SPIDR: variants seen among roughly 807,000 people sequenced by gnomAD.
SPIDR encodes scaffold protein involved in DNA repair.
SPIDR carries 93 observed loss-of-function variants against 104.6 expected under a neutral mutation model. The ratio of observed to expected loss-of-function variants is 0.89; its 90% CI spans 0.75 to 1.06. The LOEUF is 1.06. SPIDR is among the 50% of genes least tolerant of loss of function. The pLI is 0.00. For missense variants in SPIDR, 1,154 were observed against 1,111.2 expected, an observed-to-expected ratio of 1.04 and a Z score of -0.55; for synonymous variants, 431 against 416.9, an observed-to-expected ratio of 1.03 and a Z score of -0.41.
At chr8:47,666,097 A>T (rs1471811813) in intron 10 of SPIDR, among the ~76,000 whole-genome samples, 1 of 152,216 alleles carries the variant, frequency 6.6e-6, no homozygotes, top group African/African-American at 2.4e-5. Context: ...AAGTATTCAT[A>T]GTTTTTGGTT....
chr8:47,364,361 C>T lies in SPIDR; in HGVS notation c.526-32015C>T, dbSNP rs2056777111. Among the ~76,000 whole-genome samples the T allele has an allele frequency of 2.6e-5, 4 of 152,196 alleles. No individual in the cohort carries two copies. The South Asian group carries it at 8.3e-4, about 31-fold the overall frequency. ...CTCCTGGTAGCTCCCAGCTGAAGTT[C>T]ACCTGGAGAGTTACTGCCATCGTGT... On this transcript the variant is annotated intron_variant, in intron 5 of 19. Coordinates refer to ENST00000297423, the MANE Select transcript of SPIDR (RefSeq NM_001080394.4).
chr8:47,535,834 G>T (rs1245262675), intron 8 of SPIDR, among the ~76,000 whole-genome samples: 1 of 151,960 alleles, frequency 6.6e-6, no homozygotes, highest in East Asian at 1.9e-4. Context: ...AGACAAGGAA[G>T]GATGCCCTTT....
chr8:47,347,436 G>A (rs1459970937), intron 5 of SPIDR, among the ~76,000 whole-genome samples: 1 of 152,202 alleles, frequency 6.6e-6, no homozygotes, highest in Non-Finnish European at 1.5e-5. Flanking sequence ...GATTTTGGGT[G>A]GAGAGTTCTG....
chr8:47,352,487 A>T (rs1554623099), intron 5 of SPIDR, among the ~76,000 whole-genome samples: 1 of 152,126 alleles, frequency 6.6e-6, no homozygotes. Context: ...TTAAGACTGA[A>T]AACTACAATG....
chr8:47,709,110 T>G (rs777454459), intron 14 of SPIDR, among the ~76,000 whole-genome samples: 38 of 152,038 alleles, frequency 2.5e-4, no homozygotes, highest in Non-Finnish European at 4.9e-4. Flanking sequence ...GTAGCTGGGA[T>G]TACAGGCATC....
At chr8:47,323,803 G>C (rs188266487) in intron 5 of SPIDR, among the ~76,000 whole-genome samples, 4 of 152,248 alleles carry the variant, frequency 2.6e-5, no homozygotes, top group East Asian at 3.9e-4. Context: ...TACTTCTTCA[G>C]ATCTCCTTTG....
At chr8:47,499,270 A>G (rs1039895362) in intron 8 of SPIDR, among the ~76,000 whole-genome samples, 14 of 152,314 alleles carry the variant, frequency 9.2e-5, no homozygotes, top group African/African-American at 2.9e-4. Flanking sequence ...AAGTTCATGC[A>G]AAGTCTATGA....
intron 8 of SPIDR, among the ~76,000 whole-genome samples, chr8:47,567,078 G>C (rs1168736135): frequency 1.3e-5 from 2 of 152,078 alleles, no homozygotes; most frequent in African/African-American, 4.8e-5. Context: ...AAATATGCAA[G>C]TACATAAGTA....
At chr8:47,713,196 G>C in intron 15 of SPIDR, 1 of 628,730 alleles carries the variant, frequency 1.6e-6, no homozygotes, top group South Asian at 2.8e-5. Flanking sequence ...CCTTTTTCCA[G>C]GGATCAAACT....
intron 8 of SPIDR, among the ~76,000 whole-genome samples, chr8:47,480,959 A>G (rs922534673): frequency 6.6e-6 from 1 of 152,256 alleles, no homozygotes. Context: ...CTTTGTTATG[A>G]AAGCAAAAAG....
At chr8:47,582,680 G>A (rs1362268789) in intron 8 of SPIDR, among the ~76,000 whole-genome samples, 1 of 151,962 alleles carries the variant, frequency 6.6e-6, no homozygotes, top group South Asian at 2.1e-4. Context: ...CATTTTTATT[G>A]ATCATACAAT....
chr8:47,288,645 T>C (rs940031723), intron 3 of SPIDR, among the ~76,000 whole-genome samples: 25 of 152,346 alleles, frequency 1.6e-4, no homozygotes, highest in Admixed American at 6.5e-4. Flanking sequence ...ATAATGTCTT[T>C]TGCAAGTACT....
intron 8 of SPIDR, among the ~76,000 whole-genome samples, chr8:47,588,826 A>G (rs900605004): frequency 6.6e-6 from 1 of 152,166 alleles, no homozygotes; most frequent in Non-Finnish European, 1.5e-5. Flanking sequence ...TTGCTAATGT[A>G]ATCATCTGAT....
At chr8:47,548,988 C>T (rs1258610336) in intron 8 of SPIDR, among the ~76,000 whole-genome samples, 1 of 152,150 alleles carries the variant, frequency 6.6e-6, no homozygotes, top group Non-Finnish European at 1.5e-5. Flanking sequence ...TCTCATGGTT[C>T]ACTTCCCACC....
intron 8 of SPIDR, among the ~76,000 whole-genome samples, chr8:47,540,203 A>G (rs1293085288): frequency 6.6e-6 from 1 of 152,224 alleles, no homozygotes; most frequent in Admixed American, 6.5e-5. Context: ...AAAACTTCCA[A>G]TGAAACAGAA....
Position 47,735,629 on chromosome 8 carries a change from A to T in SPIDR, c.*179A>T. The T allele has an allele frequency of 8.0e-7, 1 of 1,244,312 alleles. No individual in the cohort carries two copies. Among genetic ancestry groups the T allele is most frequent in the Non-Finnish European group, 1.1e-6 (1 of 920,872 alleles). The allele number at this position is 1,244,312 out of a possible 1,614,324, so 77.1% of individuals were successfully genotyped here. On this transcript the variant is annotated 3_prime_UTR_variant, in exon 20 of 20. Transcript: ENST00000297423. ...ACAGTTTTGTGAACTGTAAATCAAA[A>T]TACCTTTTTCTACAGTTTATCTTTT...
intron 8 of SPIDR, among the ~76,000 whole-genome samples, chr8:47,452,680 C>T (rs1372939995): frequency 6.6e-6 from 1 of 152,170 alleles, no homozygotes; most frequent in Non-Finnish European, 1.5e-5. Flanking sequence ...GCTAAAAACT[C>T]TCAATAAATT....
At chr8:47,670,244 C>T (rs2075615886) in intron 10 of SPIDR, among the ~76,000 whole-genome samples, 1 of 151,980 alleles carries the variant, frequency 6.6e-6, no homozygotes, top group African/African-American at 2.4e-5. Flanking sequence ...AATGGAGAAG[C>T]AAGTCACGTG....
At chr8:47,550,539 C>G (rs541182221) in intron 8 of SPIDR, among the ~76,000 whole-genome samples, 108 of 152,156 alleles carry the variant, frequency 7.1e-4, no homozygotes, top group Middle Eastern at 3.4e-3. Flanking sequence ...TTGTGAATGG[C>G]AGTTCACTCA....
Sources: allele counts gnomAD v4.1 joint callset (sites outside exome capture counted in the v4.1 genomes callset), GRCh38; gene constraint gnomAD v4.1.1; transcripts MANE v1.5; gene names NCBI Gene and HGNC (gene_info 2026-07-23, HGNC 2026-07-21).